The following COL5A1 variants were observed in gnomAD, a reference collection of about 807,000 sequenced individuals.
The protein encoded by COL5A1 is collagen type V alpha 1 chain.
Under a neutral mutation model 263.7 loss-of-function variants are expected in COL5A1, and 16 were observed. The ratio of observed to expected loss-of-function variants is 0.06; its 90% CI spans 0.04 to 0.09. The LOEUF (loss-of-function observed/expected upper bound fraction) is 0.09, where lower values mean the gene tolerates loss of function less well. Among genes scored for constraint, COL5A1 ranks in the 10% least tolerant of loss-of-function variants. COL5A1 has a pLI of 1.00. For synonymous variants in COL5A1, 1,012 were observed against 1,004.5 expected (o/e 1.01, Z -0.14); for missense variants, 2,036 against 2,540.5 (o/e 0.80, Z 4.27).
rs1835294278 is a variant in COL5A1 at position 134,741,266 on chromosome 9, A to AT, written c.1494+2460dup. Among the ~76,000 whole-genome samples the AT allele has an allele frequency of 6.6e-6, 1 of 152,224 alleles. No individual in the cohort carries two copies. The highest frequency in any genetic ancestry group is 1.5e-5 in the Non-Finnish European group (1 of 68,028). On this transcript the variant is annotated intron_variant, in intron 11 of 65. Transcript: ENST00000371817. The surrounding 1 kb of genome is among the most constrained non-coding windows in gnomAD (Gnocchi z 4.5). ...AGCATCTGGGGCCTCCAAAAGACAG[A>AT]TTAACAAGAGAAGAGGCATACGATT...
At chr9:134,799,262 G>A (rs1234778017) in intron 37 of COL5A1, among the ~76,000 whole-genome samples, 1 of 152,182 alleles carries the variant, frequency 6.6e-6, no homozygotes, top group Non-Finnish European at 1.5e-5. Context: ...TCAGCCCTTC[G>A]AAATTTGGCC....
Position 134,750,825 on chromosome 9 carries a change from A to T in COL5A1, c.1605A>T (p.Lys535Asn). The change falls in exon 13 of 66, where the codon AAA (lysine) becomes AAT (asparagine). Residue 535 changes from lysine (K) to asparagine (N), a missense_variant. Physicochemically the swap from Lys to Asn is moderately conservative, Grantham distance 94. Transcript: ENST00000371817. ...RFGGGGDAGS[K>N]GPMVSAQESQ... Reference sequence around the variant, plus strand: ...GAGGTGGCGGCGATGCGGGCTCCAAAGGCCCCATGGTCTCAGCCCAGGAGT... The same window carrying T: ...GAGGTGGCGGCGATGCGGGCTCCAATGGCCCCATGGTCTCAGCCCAGGAGT... 1 of 1,613,234 alleles carries T rather than the reference A, an allele frequency of 6.2e-7. No individual in the cohort carries two copies. Among genetic ancestry groups the T allele is most frequent in the Non-Finnish European group, 8.5e-7 (1 of 1,180,028 alleles).
chr9:134,749,243 AC>A, intron 11 of COL5A1, among the ~76,000 whole-genome samples: 1 of 152,180 alleles, frequency 6.6e-6, no homozygotes, highest in South Asian at 2.1e-4. Flanking sequence ...TCAAAACAAA[AC>A]AAAAAAAACA....
chr9:134,712,724 C>A (rs1238718468), intron 4 of COL5A1, among the ~76,000 whole-genome samples: 1 of 148,664 alleles, frequency 6.7e-6, no homozygotes, highest in African/African-American at 2.5e-5. Flanking sequence ...TTTCTTCTTG[C>A]CCCCATCTTT....
intron 1 of COL5A1, among the ~76,000 whole-genome samples, chr9:134,668,841 A>G (rs74580231): frequency 0.031 from 4,712 of 151,646 alleles, 149 homozygotes; most frequent in African/African-American, 0.078. Context: ...TCAACCAACC[A>G]TCCAACTGTC....
rs1005381490 is a variant in COL5A1 at position 134,716,393 on chromosome 9, C to A, written c.655-10873C>A. 6.6e-6 allele frequency among the ~76,000 whole-genome samples: 1 copy of A among 152,130 alleles called. No homozygotes were observed. ...TGGGGAGCCTGGACCGAGTGAACAT[C>A]CCCTGTGCTCAGCGATGCCCCGTGT... On this transcript the variant is annotated intron_variant, in intron 4 of 65. Coordinates refer to ENST00000371817, the MANE Select transcript of COL5A1 (RefSeq NM_000093.5). This position sits in a 1 kb window ranked among gnomAD's most constrained non-coding sequence, Gnocchi z 4.5.
intron 1 of COL5A1, among the ~76,000 whole-genome samples, chr9:134,645,927 C>A (rs1355704328): frequency 6.6e-6 from 1 of 152,198 alleles, no homozygotes; most frequent in Non-Finnish European, 1.5e-5. Flanking sequence ...AAGTTCCTTT[C>A]TTTCTCCTTC....
intron 13 of COL5A1, 93 bp downstream of exon 13, chr9:134,750,975 T>G: frequency 9.3e-7 from 1 of 1,077,440 alleles, no homozygotes; most frequent in East Asian, 2.5e-5. Flanking sequence ...GAGCCCAACT[T>G]GGAGGGAAGC....
intron 14 of COL5A1, among the ~76,000 whole-genome samples, 198 bp downstream of exon 14, chr9:134,752,843 G>C (rs1376794461): frequency 1.3e-5 from 2 of 152,132 alleles, no homozygotes; most frequent in African/African-American, 4.8e-5. Context: ...GTTGGTGGGG[G>C]GTGGGGATGG....
chr9:134,812,849 T>G, intron 48 of COL5A1, 137 bp downstream of exon 48: 1 of 719,262 alleles, frequency 1.4e-6, no homozygotes, highest in Non-Finnish European at 2.5e-6. Flanking sequence ...TGTGTGTACC[T>G]CTCTGTGTGT....
intron 37 of COL5A1, among the ~76,000 whole-genome samples, chr9:134,799,769 T>C (rs1225242929): frequency 6.6e-6 from 1 of 152,156 alleles, no homozygotes; most frequent in African/African-American, 2.4e-5. Flanking sequence ...TAGAGAAAAA[T>C]TAAAACATTT....
Position 134,730,372 on chromosome 9 carries a change from A to G in COL5A1, c.1061A>G (p.Asp354Gly). The change falls in exon 7 of 66, where the codon GAC becomes GGC. Residue 354 changes from aspartate (D) to glycine (G), a missense_variant. Physicochemically the swap from Asp to Gly is moderately conservative, Grantham distance 94 (BLOSUM62 -1). This residue lies in a region of COL5A1 where 600 missense variants were observed against 634.5 expected (regional missense o/e 0.95). Transcript: ENST00000371817. ...EDYYTPSPYD[D>G]LTYGEGEENP... ...TACTACACGCCCTCACCGTATGATG[A>G]CCTCACCTATGGCGAGGGGGAGGAG... 1 of 1,614,100 alleles carries G rather than the reference A, an allele frequency of 6.2e-7. No individual in the cohort carries two copies. Among genetic ancestry groups the G allele is most frequent in the South Asian group, 1.1e-5 (1 of 91,080 alleles).
At chr9:134,840,834 G>C (rs1332477939) in intron 65 of COL5A1, among the ~76,000 whole-genome samples, 2 of 152,258 alleles carry the variant, frequency 1.3e-5, no homozygotes, top group African/African-American at 2.4e-5. Context: ...TACCACTCAT[G>C]GGGTTCCACC....
chr9:134,650,470 C>A (rs936914622), intron 1 of COL5A1, among the ~76,000 whole-genome samples: 1 of 152,246 alleles, frequency 6.6e-6, no homozygotes, highest in Admixed American at 6.5e-5. Context: ...TGAGACGGAC[C>A]TGTGCGGGGG....
chr9:134,654,300 A>G (rs111066201), intron 1 of COL5A1, among the ~76,000 whole-genome samples: 38,474 of 72,384 alleles, frequency 0.53, 9,563 homozygotes, highest in African/African-American at 0.71. Context: ...GCTGGTGTGT[A>G]TAGGGCTGGA....
At chr9:134,823,570 T>C in intron 61 of COL5A1, 101 bp downstream of exon 61, 1 of 1,266,580 alleles carries the variant, frequency 7.9e-7, no homozygotes, top group Non-Finnish European at 1.1e-6. Flanking sequence ...CTGAGACTCA[T>C]GAAGCCCATG....
At chr9:134,661,802 G>A (rs747686735) in intron 1 of COL5A1, among the ~76,000 whole-genome samples, 7 of 152,190 alleles carry the variant, frequency 4.6e-5, no homozygotes, top group Non-Finnish European at 8.8e-5. Flanking sequence ...TCTTCCAGCT[G>A]TGCTCCAGAA....
chr9:134,816,113 C>A, intron 52 of COL5A1, 125 bp downstream of exon 52: 2 of 868,848 alleles, frequency 2.3e-6, no homozygotes. Flanking sequence ...TTTATGATAT[C>A]GATTCCCTTA....
intron 32 of COL5A1, among the ~76,000 whole-genome samples, chr9:134,790,662 G>C (rs554650612): frequency 7.1e-6 from 1 of 140,294 alleles, no homozygotes; most frequent in Non-Finnish European, 1.5e-5. Flanking sequence ...TCTATTATCT[G>C]TCTATCTCTG....
Sources: gnomAD v4.1 joint callset for allele counts (sites outside exome capture counted in the v4.1 genomes callset) on GRCh38, gnomAD v4.1.1 for gene constraint, gnomAD v4.1.1 regional missense constraint, Gnocchi (gnomAD v3.1) non-coding constraint, MANE v1.5 for transcripts, NCBI Gene and HGNC (gene_info 2026-07-23, HGNC 2026-07-21) for gene names.